The following DACH2 variants were observed in gnomAD, a reference collection of about 807,000 sequenced individuals.
DACH2 encodes the protein dachshund family transcription factor 2, also known as dachshund homolog 2.
In DACH2, 17 loss-of-function variants were observed where a neutral mutation model predicts 35.8. The ratio of observed to expected loss-of-function variants is 0.48; its 90% CI spans 0.33 to 0.71. DACH2 has a LOEUF of 0.71. Ranked by LOEUF, DACH2 falls within the 30% of genes least tolerant of loss-of-function variation. DACH2 has a pLI of 0.02. For synonymous variants in DACH2, 195 were observed against 177.3 expected (o/e 1.10, Z -0.79); for missense variants, 469 against 472.7 (o/e 0.99, Z 0.07).
At chrX:86,813,348 C>A in intron 9 of DACH2, 71 bp downstream of exon 9, 9 of 982,830 alleles carry the variant, frequency 9.2e-6, no homozygotes, top group Non-Finnish European at 1.2e-5. Flanking sequence ...TGGAAATATT[C>A]TCCAAGATAT....
intron 3 of DACH2, among the ~76,000 whole-genome samples, chrX:86,578,325 AG>A (rs1359149559): frequency 3.7e-5 from 3 of 80,147 alleles, no homozygotes; most frequent in African/African-American, 2.4e-4. Context: ...GAAGAAAAAT[AG>A]GTTTTTTTTT....
chrX:86,624,989 G>A (rs955580145), intron 3 of DACH2, among the ~76,000 whole-genome samples: 7 of 111,261 alleles, frequency 6.3e-5, no homozygotes, highest in Non-Finnish European at 1.9e-5. Context: ...AAAAAAGGTA[G>A]GAGAAAGATA....
intron 2 of DACH2, among the ~76,000 whole-genome samples, chrX:86,491,651 A>G (rs764228280): frequency 8.9e-6 from 1 of 111,915 alleles, no homozygotes; most frequent in Admixed American, 9.5e-5. Context: ...CATGAAAACA[A>G]CAAAAACATT....
At position 86,651,047 on chromosome X, in the gene DACH2, G is replaced by T; in HGVS notation, c.652G>T (p.Ala218Ser). Residue 218 changes from alanine to serine, a missense_variant, in exon 4 of 12, where the codon GCA becomes TCA. Physicochemically the swap from Ala to Ser is moderately conservative, Grantham distance 99. Transcript: ENST00000373125. ...GLITPTGITAAAMAEAMKLQK... is the reference protein window; with the variant it reads ...GLITPTGITASAMAEAMKLQK... ...AATTCTGCTTTTAGGTATAACAGCT[G>T]CAGCGATGGCTGAGGCGATGAAACT... is the stretch of plus-strand genomic sequence containing the variant. 8.3e-7 allele frequency: 1 copy of T among 1,205,672 alleles called. No homozygotes were observed. The highest frequency in any genetic ancestry group is 1.1e-6 in the Non-Finnish European group (1 of 892,295).
Position 86,812,870 on chromosome X carries a change from C to A in DACH2, c.1255C>A (p.Gln419Lys). 8.4e-7 allele frequency: 1 copy of A among 1,195,752 alleles called. No homozygotes were observed. The highest frequency in any genetic ancestry group is 2.3e-5 in the Admixed American group (1 of 43,242). ...TGTTTTTGCAGAAGAGGTACCAGTT[C>A]AAATTCCAATAATGAAGTCACCCTT... ...HLERMEEVPV[Q>K]IPIMKSPLDK... Residue 419 changes from glutamine (Q) to lysine (K), a missense_variant, in exon 8 of 12, where the codon CAA becomes AAA. Transcript: ENST00000373125.
At chrX:86,656,857 G>GTGTGTA (rs1333268452) in intron 4 of DACH2, among the ~76,000 whole-genome samples, 7 of 66,745 alleles carry the variant, frequency 1.0e-4, no homozygotes, top group African/African-American at 4.3e-4. Context: ...GTGTGTGTGT[G>GTGTGTA]TATATATATA....
chrX:86,163,610 C>G lies in DACH2; in HGVS notation c.488+14502C>G, dbSNP rs1368760681. ...CCCACCTCCCCACTCAAGTATATCC[C>G]AATGTCTGTTGTTTACTTTTTTGTG... is the stretch of plus-strand genomic sequence containing the variant. On this transcript the variant is annotated intron_variant, in intron 1 of 11. Coordinates refer to ENST00000373125, the MANE Select transcript of DACH2 (RefSeq NM_053281.3). Among the ~76,000 whole-genome samples the G allele has an allele frequency of 2.7e-5, 3 of 110,655 alleles. No homozygotes were observed. In the East Asian group the frequency reaches 8.5e-4, roughly 31 times the overall value.
chrX:86,411,582 A>G (rs1484909443), intron 2 of DACH2, among the ~76,000 whole-genome samples: 1 of 111,593 alleles, frequency 9.0e-6, no homozygotes, highest in Non-Finnish European at 1.9e-5. Flanking sequence ...CAACCCTAAT[A>G]CTATTATATA....
chrX:86,275,020 A>T (rs1393497004), intron 1 of DACH2, among the ~76,000 whole-genome samples: 1 of 111,949 alleles, frequency 8.9e-6, no homozygotes, highest in Non-Finnish European at 1.9e-5. Context: ...TAGTGAAAGT[A>T]AATGAGACAC....
chrX:86,790,758 T>A lies in DACH2; in HGVS notation c.1241-22098T>A, dbSNP rs974555697. 4.5e-5 allele frequency among the ~76,000 whole-genome samples: 5 copies of A among 110,969 alleles called. 1 individual carries two copies. The Middle Eastern group carries it at 0.014, about 307-fold the overall frequency. ...GGTCTTGCTATGTTACCCAGCCTGGTCTAGAATTCATGGCTAAAAGCGATC... is the reference window on the plus strand; with the variant it reads ...GGTCTTGCTATGTTACCCAGCCTGGACTAGAATTCATGGCTAAAAGCGATC... On this transcript the variant is annotated intron_variant, in intron 7 of 11. Coordinates refer to ENST00000373125, the MANE Select transcript of DACH2 (RefSeq NM_053281.3).
rs1300298470 is a variant in DACH2, at chrX:86,349,422, G to A, written c.489-27402G>A. On this transcript the variant is annotated intron_variant, in intron 1 of 11. Transcript: ENST00000373125. ...CTCAGGGTTTTTATAGGCACAGGAT[G>A]GGGGCGTGGCAGGCCAGGGTTGTCT... Among the ~76,000 whole-genome samples the A allele has an allele frequency of 2.7e-5, 3 of 111,841 alleles. No individual in the cohort carries two copies. In the Admixed American group the frequency reaches 2.8e-4, roughly 11 times the overall value.
intron 1 of DACH2, among the ~76,000 whole-genome samples, chrX:86,284,648 A>G (rs923537756): frequency 5.5e-5 from 6 of 108,334 alleles, no homozygotes; most frequent in African/African-American, 1.0e-4. Context: ...TTCCTCCCCT[A>G]TTTTTCAGAA....
At chrX:86,301,373 A>C (rs1396024033) in intron 1 of DACH2, among the ~76,000 whole-genome samples, 1 of 111,994 alleles carries the variant, frequency 8.9e-6, no homozygotes, top group Non-Finnish European at 1.9e-5. Flanking sequence ...TTAATTTTAA[A>C]GCCTTGCCCT....
At chrX:86,152,294 C>T (rs2030393304) in intron 1 of DACH2, among the ~76,000 whole-genome samples, 1 of 110,925 alleles carries the variant, frequency 9.0e-6, no homozygotes, top group African/African-American at 3.3e-5. Flanking sequence ...ATTTGGAATG[C>T]TTTCTGTGCT....
chrX:86,729,643 T>G (rs1300351854), intron 6 of DACH2, among the ~76,000 whole-genome samples: 1 of 112,038 alleles, frequency 8.9e-6, no homozygotes, highest in African/African-American at 3.2e-5. Flanking sequence ...AGGTGGTACC[T>G]GATGGGAGGT....
intron 3 of DACH2, among the ~76,000 whole-genome samples, chrX:86,608,407 C>G (rs1489787783): frequency 9.0e-6 from 1 of 111,491 alleles, no homozygotes; most frequent in Non-Finnish European, 1.9e-5. Context: ...CCCAGCCATC[C>G]CATTACTAGG....
intron 3 of DACH2, among the ~76,000 whole-genome samples, chrX:86,571,584 T>C (rs570140262): frequency 2.7e-5 from 3 of 110,265 alleles, no homozygotes; most frequent in African/African-American, 9.9e-5. Flanking sequence ...TTCTCACTCA[T>C]AGGTGGGAAT....
chrX:86,191,519 A>G (rs1345600426), intron 1 of DACH2, among the ~76,000 whole-genome samples: 1 of 111,486 alleles, frequency 9.0e-6, no homozygotes, highest in Non-Finnish European at 1.9e-5. Context: ...AAAACTGCCT[A>G]TAAGGTACTA....
intron 4 of DACH2, among the ~76,000 whole-genome samples, chrX:86,656,696 T>C (rs2040543688): frequency 9.2e-6 from 1 of 108,361 alleles, no homozygotes; most frequent in Non-Finnish European, 1.9e-5. Context: ...GGAATTACTG[T>C]TTTCACTACA....
Sources: gnomAD v4.1 joint callset for allele counts (sites outside exome capture counted in the v4.1 genomes callset) on GRCh38, gnomAD v4.1.1 for gene constraint, MANE v1.5 for transcripts, NCBI Gene and HGNC (gene_info 2026-07-23, HGNC 2026-07-21) for gene names.